PHKA2: variants seen among roughly 807,000 people sequenced by gnomAD.
PHKA2 encodes phosphorylase kinase regulatory subunit alpha 2.
Under a neutral mutation model 102.0 loss-of-function variants are expected in PHKA2, and 31 were observed. That is an observed-to-expected ratio of 0.30 (90% CI 0.23 to 0.41). PHKA2 has a LOEUF of 0.41. Among genes scored for constraint, PHKA2 ranks in the 10% least tolerant of loss-of-function variants. The pLI, the probability that PHKA2 is intolerant of heterozygous loss-of-function variation, is 1.00. For missense variants in PHKA2, 858 were observed against 1,023.1 expected, an observed-to-expected ratio of 0.84 and a Z score of 2.20; for synonymous variants, 455 against 416.2, an observed-to-expected ratio of 1.09 and a Z score of -1.13.
chrX:18,964,768 G>GT (rs893747316), intron 1 of PHKA2, among the ~76,000 whole-genome samples: 1 of 112,433 alleles, frequency 8.9e-6, no homozygotes, highest in Non-Finnish European at 1.9e-5. Flanking sequence ...ATAAGTAACA[G>GT]TTTCTTTTTA....
Position 18,917,838 on chromosome X carries a change from G to A in PHKA2, c.2137+843C>T, listed in dbSNP as rs370846954. Among the ~76,000 whole-genome samples the A allele has an allele frequency of 1.8e-4, 20 of 110,653 alleles. No individual in the cohort carries two copies. The East Asian group carries it at 2.0e-3, about 11-fold the overall frequency. On this transcript the variant is annotated intron_variant, in intron 19 of 32. Transcript: ENST00000379942. ...CACCTCAGACACTGAGGGCAACCAA[G>A]CCAGAAGGGGGCAGAGGGCAGTGCA...
intron 10 of PHKA2, 66 bp downstream of exon 10, chrX:18,938,561 C>A (rs2147953378): frequency 9.3e-7 from 1 of 1,069,746 alleles, no homozygotes; most frequent in East Asian, 3.0e-5. Context: ...ACCCTATGTT[C>A]TAATAATAAT....
rs773686229 is a variant in PHKA2 at position 18,940,100 on chromosome X, T to A, written c.865-52A>T. On this transcript the variant is annotated intron_variant, in intron 8 of 32. Coordinates refer to ENST00000379942, the MANE Select transcript of PHKA2 (RefSeq NM_000292.3). ...GCTCAGAGAAATTTTTTTGCCTTTT[T>A]AATTCAAGTCAGCCCTGCACCCTCT... 6 of 849,200 alleles carry A rather than the reference T, an allele frequency of 7.1e-6. No individual in the cohort carries two copies. The African/African-American group carries it at 1.2e-4, about 17-fold the overall frequency. 70.0% of individuals were successfully genotyped at this position (849,200 alleles called of 1,213,427 possible).
chrX:18,908,149 T>A, intron 21 of PHKA2, 93 bp from the exon 22 acceptor site: 1 of 864,044 alleles, frequency 1.2e-6, no homozygotes, highest in Non-Finnish European at 1.7e-6. Context: ...GCACTTGGGC[T>A]CTCCCAGTGC....
chrX:18,908,061 C>CG lies in PHKA2; in HGVS notation c.2361-6_2361-5insC, dbSNP rs1351163012. ...TTTGTGTCCCAGCTGGGACCCCTGCCAAGAGGTAGAAAAACCCAGAAATAT... is the reference window on the plus strand; with the variant it reads ...TTTGTGTCCCAGCTGGGACCCCTGCCGAAGAGGTAGAAAAACCCAGAAATAT... On this transcript the variant is annotated splice_polypyrimidine_tract_variant and splice_region_variant and intron_variant, in intron 21 of 32. Coordinates refer to ENST00000379942, the MANE Select transcript of PHKA2 (RefSeq NM_000292.3). 8.3e-7 allele frequency: 1 copy of CG among 1,208,928 alleles called. No homozygotes were observed. Among genetic ancestry groups the CG allele is most frequent in the East Asian group, 3.0e-5 (1 of 33,828 alleles).
At position 18,925,762 on chromosome X, in the gene PHKA2, A is replaced by C; in HGVS notation, c.1475T>G (p.Met492Arg). ...TCGATACGGTCGCCCACTCAAATTC[A>C]TATTCTTATTCCGTCCTGTTTGAGA... Reference protein sequence around the residue: ...IYAKLGRNKNMNLSGRPYRHI... With the variant: ...IYAKLGRNKNRNLSGRPYRHI... The change falls in exon 15 of 33, where the codon ATG (methionine) becomes AGG (arginine). Residue 492 changes from methionine to arginine, a missense_variant. This residue lies in a region of PHKA2 where 671 missense variants were observed against 745.2 expected (regional missense o/e 0.90). Coordinates refer to ENST00000379942, the MANE Select transcript of PHKA2 (RefSeq NM_000292.3). 1.7e-6 allele frequency: 2 copies of C among 1,172,978 alleles called. No individual in the cohort carries two copies. The highest frequency in any genetic ancestry group is 1.7e-5 in the African/African-American group (1 of 57,144).
intron 13 of PHKA2, among the ~76,000 whole-genome samples, chrX:18,927,737 TC>T (rs2048235685): frequency 9.0e-6 from 1 of 111,529 alleles, no homozygotes; most frequent in African/African-American, 3.3e-5. Context: ...AAACCTAATC[TC>T]CCAGGCCCTC....
chrX:18,960,100 T>TA (rs2048845957), intron 1 of PHKA2, among the ~76,000 whole-genome samples: 1 of 111,596 alleles, frequency 9.0e-6, no homozygotes, highest in Admixed American at 9.5e-5. Context: ...TGATGAAAAA[T>TA]AAAGGGCAGG....
intron 1 of PHKA2, among the ~76,000 whole-genome samples, chrX:18,959,742 T>C (rs1649814696): frequency 9.0e-6 from 1 of 111,553 alleles, no homozygotes; most frequent in Non-Finnish European, 1.9e-5. Flanking sequence ...TGACCTGATG[T>C]AGAGTCATGA....
At chrX:18,927,164 C>T (rs1220848815) in intron 13 of PHKA2, among the ~76,000 whole-genome samples, 1 of 111,596 alleles carries the variant, frequency 9.0e-6, no homozygotes, top group African/African-American at 3.3e-5. Flanking sequence ...GCACAGGGCC[C>T]CACCGGTGGG....
intron 19 of PHKA2, among the ~76,000 whole-genome samples, chrX:18,912,935 C>T (rs1289678259): frequency 3.6e-5 from 4 of 110,020 alleles, no homozygotes; most frequent in East Asian, 2.9e-4. Context: ...AACAATGAGC[C>T]GGGTGTGATG....
chrX:18,970,977 A>G (rs1321799314), intron 1 of PHKA2, among the ~76,000 whole-genome samples: 1 of 112,631 alleles, frequency 8.9e-6, no homozygotes, highest in Non-Finnish European at 1.9e-5. Flanking sequence ...TTCCTGGTAC[A>G]CCAGCGGGAT....
At chrX:18,918,928 G>A (rs1206946004) in intron 18 of PHKA2, 74 bp from the exon 19 acceptor site, 6 of 936,737 alleles carry the variant, frequency 6.4e-6, no homozygotes, top group African/African-American at 3.9e-5. Flanking sequence ...TAGTGACCAT[G>A]GGTAGCAAGC....
At chrX:18,912,956 G>C (rs1053129800) in intron 19 of PHKA2, among the ~76,000 whole-genome samples, 1 of 110,282 alleles carries the variant, frequency 9.1e-6, no homozygotes, top group Non-Finnish European at 1.9e-5. Flanking sequence ...GTGCATGCCT[G>C]TAGTCCCAGC....
At position 18,893,581 on chromosome X, in the gene PHKA2, A is replaced by G. The variant is rs1273052919; in HGVS notation, c.3612T>C (p.Ala1204=). The change falls in exon 33 of 33, where the codon GCT becomes GCC. Residue 1204 remains alanine, a synonymous_variant. Coordinates refer to ENST00000379942, the MANE Select transcript of PHKA2 (RefSeq NM_000292.3). ...TCATCGTCCCATAAGCCCCACTCGG[A>G]GCGCTGTCATAAAAGAAGTGGCAGA... The part of the protein sequence containing the change: ...TGICHFFYDS[A]PSGAYGTMTY... The G allele has an allele frequency of 1.7e-6, 2 of 1,209,902 alleles. No homozygotes were observed. Among genetic ancestry groups the G allele is most frequent in the Admixed American group, 2.2e-5 (1 of 45,846 alleles).
At chrX:18,960,373 A>G (rs1438474086) in intron 1 of PHKA2, among the ~76,000 whole-genome samples, 1 of 111,933 alleles carries the variant, frequency 8.9e-6, no homozygotes, top group Non-Finnish European at 1.9e-5. Flanking sequence ...TGGGTAATTT[A>G]TAAGAAAAGA....
intron 1 of PHKA2, among the ~76,000 whole-genome samples, chrX:18,974,258 C>T (rs1026131728): frequency 4.5e-5 from 5 of 111,021 alleles, no homozygotes; most frequent in African/African-American, 1.6e-4. Flanking sequence ...TTATTTACAG[C>T]AGAACTCTTC....
chrX:18,917,556 G>A lies in PHKA2; in HGVS notation c.2137+1125C>T, dbSNP rs182419285. Among the ~76,000 whole-genome samples the A allele has an allele frequency of 6.2e-3, 687 of 111,265 alleles. 6 individuals carry two copies. Among genetic ancestry groups the A allele is most frequent in the African/African-American group, 0.022 (664 of 30,648 alleles). The stretch of plus-strand genomic sequence containing the variant: ...TTACAGGTATGAGCCACCACGCCCA[G>A]CCAAAAAAATGTATTTTTAATCTAG... On this transcript the variant is annotated intron_variant, in intron 19 of 32. Transcript: ENST00000379942.
intron 3 of PHKA2, among the ~76,000 whole-genome samples, chrX:18,951,917 TA>T (rs957975708): frequency 3.7e-5 from 4 of 109,001 alleles, no homozygotes; most frequent in Admixed American, 9.8e-5. Flanking sequence ...ACGTGGCTTT[TA>T]AAAAAAAATG....
Sources: allele counts gnomAD v4.1 joint callset (sites outside exome capture counted in the v4.1 genomes callset), GRCh38; gene constraint gnomAD v4.1.1; regional missense constraint gnomAD v4.1.1; transcripts MANE v1.5; gene names NCBI Gene and HGNC (gene_info 2026-07-23, HGNC 2026-07-21).